NACAD: variants seen among roughly 807,000 people sequenced by gnomAD.
NACAD encodes the protein NAC-alpha domain-containing protein 1.
A neutral mutation model predicts 98.9 loss-of-function variants in NACAD; 47 were observed. The observed-to-expected ratio is 0.48, with a 90% CI of 0.38 to 0.61. The LOEUF is 0.61. NACAD is among the 20% of genes least tolerant of loss of function. The pLI is 0.00. For synonymous variants in NACAD, 696 were observed against 767.2 expected, an observed-to-expected ratio of 0.91 and a Z score of 1.53; for missense variants, 1,412 against 1,748.2, an observed-to-expected ratio of 0.81 and a Z score of 3.43.
chr7:45,080,861 G>A lies in NACAD; in HGVS notation c.4551+15C>T. ...CCACCACCCCCTGCGAGGCCCTGGAGCCCCTGCACTTCACCTCTTCCTCCT... is the reference window on the plus strand; with the variant it reads ...CCACCACCCCCTGCGAGGCCCTGGAACCCCTGCACTTCACCTCTTCCTCCT... On this transcript the variant is annotated intron_variant, in intron 6 of 7. Coordinates refer to ENST00000490531, the MANE Select transcript of NACAD (RefSeq NM_001146334.2). 1 of 1,554,368 alleles carries A rather than the reference G, an allele frequency of 6.4e-7. No individual in the cohort carries two copies. Among genetic ancestry groups the A allele is most frequent in the South Asian group, 1.2e-5 (1 of 84,346 alleles).
At position 45,085,629 on chromosome 7, in the gene NACAD, G is replaced by A. The variant is rs1332824851; in HGVS notation, c.551C>T (p.Thr184Ile). 6 of 1,548,842 alleles carry A rather than the reference G, an allele frequency of 3.9e-6. No homozygotes were observed. The highest frequency in any genetic ancestry group is 3.5e-6 in the Non-Finnish European group (4 of 1,146,128). Residue 184 changes from threonine (T) to isoleucine (I), a missense_variant, in exon 2 of 8, where the codon ACC (threonine) becomes ATC (isoleucine). Transcript: ENST00000490531. The surrounding 1 kb of genome is among the most constrained non-coding windows in gnomAD (Gnocchi z 6.1). ...FTPPSTPTKTTYALLPACGPH... is the reference protein window; with the variant it reads ...FTPPSTPTKTIYALLPACGPH... ...CCCACAGGCAGGAAGCAGGGCATAG[G>A]TGGTCTTGGTGGGGGTGGAGGGAGG...
rs958261270 is a variant in NACAD at position 45,085,057 on chromosome 7, C to T, written c.1123G>A (p.Asp375Asn). 7.7e-6 allele frequency: 12 copies of T among 1,551,034 alleles called. No homozygotes were observed. The highest frequency in any genetic ancestry group is 1.0e-5 in the Non-Finnish European group (12 of 1,146,894). ...TCGTCCCGGAAGGCAAAAGCCTCGTCCATGCCCTCCGTGATGGACAGGTCA... is the reference window on the plus strand; with the variant it reads ...TCGTCCCGGAAGGCAAAAGCCTCGTTCATGCCCTCCGTGATGGACAGGTCA... The part of the protein sequence containing the change: ...LSDLSITEGM[D>N]EAFAFRDDTS... Residue 375 changes from aspartate (D) to asparagine (N), a missense_variant, in exon 2 of 8, where the codon GAC (aspartate) becomes AAC (asparagine). Asp to Asn is a conservative substitution (Grantham distance 23). Transcript: ENST00000490531. This position sits in a 1 kb window ranked among gnomAD's most constrained non-coding sequence, Gnocchi z 6.1.
Position 45,085,970 on chromosome 7 carries a change from G to A in NACAD, c.210C>T (p.Ala70=), listed in dbSNP as rs1199532218. 6.5e-7 allele frequency: 1 copy of A among 1,537,148 alleles called. No individual in the cohort carries two copies. Among genetic ancestry groups the A allele is most frequent in the Non-Finnish European group, 8.8e-7 (1 of 1,141,674 alleles). ...CCCCACCAGGCCCTGCATCCCAGCT[G>A]GCTCCCTCGGGCTGGGGCCGGGCAC... is the stretch of plus-strand genomic sequence containing the variant. ...KPGARPQPEG[A]SWDAGPGGAP... is the part of the protein sequence containing the mutation. The change falls in exon 2 of 8, where the codon GCC becomes GCT. Residue 70 remains alanine, a synonymous_variant. Transcript: ENST00000490531. The surrounding 1 kb of genome is among the most constrained non-coding windows in gnomAD (Gnocchi z 6.1).
At chr7:45,086,183 T>A in intron 1 of NACAD, 71 bp from the exon 2 acceptor site, 1 of 1,473,442 alleles carries the variant, frequency 6.8e-7, no homozygotes, top group Non-Finnish European at 9.1e-7. Flanking sequence ...CCCGGGGAGA[T>A]GAATTCCGGC....
At chr7:45,081,089 C>T in intron 5 of NACAD, 28 bp downstream of exon 5, 4 of 1,551,230 alleles carry the variant, frequency 2.6e-6, no homozygotes, top group Non-Finnish European at 2.6e-6. Context: ...CCTCGGATCC[C>T]CCATTCCACC....
Position 45,085,844 on chromosome 7 carries a change from C to T in NACAD, c.336G>A (p.Pro112=), listed in dbSNP as rs754759357. The change falls in exon 2 of 8, where the codon CCG becomes CCA. Residue 112 remains proline (P), a synonymous_variant. Transcript: ENST00000490531. The surrounding 1 kb of genome is among the most constrained non-coding windows in gnomAD (Gnocchi z 6.1). ...SQALSTEAPL[P]ATLEPRIVMG... is the part of the protein sequence containing the mutation. ...TCACAATCCGGGGCTCCAGGGTGGC[C>T]GGGAGAGGAGCCTCCGTGGACAGAG... The T allele has an allele frequency of 5.2e-6, 8 of 1,542,452 alleles. No homozygotes were observed. The highest frequency in any genetic ancestry group is 2.4e-5 in the South Asian group (2 of 82,928).
Position 45,080,971 on chromosome 7 carries a change from C to T in NACAD, c.4456G>A (p.Val1486Met), listed in dbSNP as rs1784421123. The T allele has an allele frequency of 5.8e-6, 9 of 1,551,880 alleles. No individual in the cohort carries two copies. The Admixed American group carries it at 7.8e-5, about 14-fold the overall frequency. Residue 1486 changes from valine to methionine, a missense_variant, in exon 6 of 8, where the codon GTG (valine) becomes ATG (methionine). Val to Met is a conservative substitution (Grantham distance 21, BLOSUM62 1). Coordinates refer to ENST00000490531, the MANE Select transcript of NACAD (RefSeq NM_001146334.2). ...ACCAAGGCTGAGGGCTCTGAGGGCA[C>T]CTTAAACTTCTCAGCTGCGGCTTTG... ...VHKAAAEKFK[V>M]PSEPSALVPE...
Position 45,082,023 on chromosome 7 carries a change from A to G in NACAD, c.4072+85T>C. 1 of 1,465,908 alleles carries G rather than the reference A, an allele frequency of 6.8e-7. No individual in the cohort carries two copies. The highest frequency in any genetic ancestry group is 9.0e-7 in the Non-Finnish European group (1 of 1,106,022). 90.8% of individuals were successfully genotyped at this position (1,465,908 alleles called of 1,614,324 possible). The stretch of plus-strand genomic sequence containing the variant: ...TCTGGGCCCCCCACCTCGCCACCTC[A>G]GAGGCCCTCCAGCTCAGGACAGCTC... On this transcript the variant is annotated intron_variant, in intron 2 of 7. Transcript: ENST00000490531. The surrounding 1 kb of genome is among the most constrained non-coding windows in gnomAD (Gnocchi z 4.5).
intron 1 of NACAD, among the ~76,000 whole-genome samples, chr7:45,086,591 G>C (rs1412579743): frequency 2.0e-5 from 3 of 152,208 alleles, no homozygotes; most frequent in East Asian, 1.9e-4. Context: ...CGCGCAGCTC[G>C]AACACTCTGG....
In NACAD at chr7:45,084,847, C is replaced by T. The variant is rs201607633; in HGVS notation, c.1333G>A (p.Val445Met). The T allele has an allele frequency of 1.1e-3, 1,741 of 1,550,820 alleles. 2 individuals are homozygous for T. Among genetic ancestry groups the T allele is most frequent in the Non-Finnish European group, 1.4e-3 (1,653 of 1,146,806 alleles). ...QAQDGTVSWA[V>M]EAAPQTSDRG... ...TCTGAGGTCTGAGGAGCAGCCTCCA[C>T]GGCCCAGGACACAGTCCCATCCTGA... Residue 445 changes from valine to methionine, a missense_variant, in exon 2 of 8, where the codon GTG (valine) becomes ATG (methionine). Val to Met is a conservative substitution (Grantham distance 21). Transcript: ENST00000490531.
chr7:45,084,618 G>C lies in NACAD; in HGVS notation c.1562C>G (p.Ala521Gly). 1 of 1,551,682 alleles carries C rather than the reference G, an allele frequency of 6.4e-7. No individual in the cohort carries two copies. The highest frequency in any genetic ancestry group is 2.4e-5 in the East Asian group (1 of 40,908). The stretch of plus-strand genomic sequence containing the variant: ...CTGGGAGGGCTGAGGCATTGCCATG[G>C]CAGCAGATTCTTGTCCAGCGGTGGA... ...TDSTAGQESA[A>G]MAMPQPSQEG... The change falls in exon 2 of 8, where the codon GCC becomes GGC. Residue 521 changes from alanine (A) to glycine (G), a missense_variant. Ala to Gly is a moderately conservative substitution (Grantham distance 60). Around this residue, in one of 5 missense-constraint regions of NACAD, gnomAD observed 638 missense variants for 722.7 expected, o/e 0.88. Transcript: ENST00000490531.
chr7:45,088,786 G>T lies in NACAD; in HGVS notation c.67+42C>A. 1 of 1,454,732 alleles carries T rather than the reference G, an allele frequency of 6.9e-7. No homozygotes were observed. The highest frequency in any genetic ancestry group is 9.1e-7 in the Non-Finnish European group (1 of 1,100,690). The allele number at this position is 1,454,732 out of a possible 1,614,324, so 90.1% of individuals were successfully genotyped here. On this transcript the variant is annotated intron_variant, in intron 1 of 7. Transcript: ENST00000490531. The surrounding 1 kb of genome is among the most constrained non-coding windows in gnomAD (Gnocchi z 5.7). ...ATGGAAAGAGAACCCGGGCTGGAGA[G>T]GGGAGAGGCTGAAGGCAGGGAAAGA...
At chr7:45,087,871 G>A (rs1410879287) in intron 1 of NACAD, among the ~76,000 whole-genome samples, 2 of 152,180 alleles carry the variant, frequency 1.3e-5, no homozygotes, top group Admixed American at 6.5e-5. Flanking sequence ...GCAGGGGAAC[G>A]GCTGAGCTGT....
In NACAD at chr7:45,082,123, C is replaced by T. The variant is rs1410041034; in HGVS notation, c.4057G>A (p.Asp1353Asn). 1 of 1,479,288 alleles carries T rather than the reference C, an allele frequency of 6.8e-7. No individual in the cohort carries two copies. The highest frequency in any genetic ancestry group is 2.5e-5 in the Admixed American group (1 of 40,044). The allele number at this position is 1,479,288 out of a possible 1,614,324, so 91.6% of individuals were successfully genotyped here. ...TCTGCCTTACCTTCCTCCAGGCTGTCCTCATCCTCTTGCTGCTCGGGGGCT... is the reference window on the plus strand; with the variant it reads ...TCTGCCTTACCTTCCTCCAGGCTGTTCTCATCCTCTTGCTGCTCGGGGGCT... ...LSAPEQQEDE[D>N]SLEEDSPRAL... is the part of the protein sequence containing the mutation. The change falls in exon 2 of 8, where the codon GAC (aspartate) becomes AAC (asparagine). Residue 1353 changes from aspartate (D) to asparagine (N), a missense_variant. Physicochemically the swap from Asp to Asn is conservative, Grantham distance 23 (BLOSUM62 1). Transcript: ENST00000490531. This position sits in a 1 kb window ranked among gnomAD's most constrained non-coding sequence, Gnocchi z 4.5.
rs752883656 is a variant in NACAD at position 45,080,926 on chromosome 7, G to C, written c.4501C>G (p.Pro1501Ala). 6.4e-7 allele frequency: 1 copy of C among 1,553,972 alleles called. No homozygotes were observed. Among genetic ancestry groups the C allele is most frequent in the African/African-American group, 1.4e-5 (1 of 73,148 alleles). The change falls in exon 6 of 8, where the codon CCC becomes GCC. Residue 1501 changes from proline (P) to alanine (A), a missense_variant. By Grantham distance (27) the Pro-to-Ala change is conservative. Around this residue, in one of 5 missense-constraint regions of NACAD, gnomAD observed 88 missense variants for 105.4 expected, o/e 0.84. Coordinates refer to ENST00000490531, the MANE Select transcript of NACAD (RefSeq NM_001146334.2). Reference protein sequence around the residue: ...SALVPESAPRPRVRLECKEEE... With the variant: ...SALVPESAPRARVRLECKEEE... Reference sequence around the variant, plus strand: ...TCCTTGCACTCCAGCCTCACCCGGGGCCTGGGTGCTGACTCAGGGACCAAG... The same window carrying C: ...TCCTTGCACTCCAGCCTCACCCGGGCCCTGGGTGCTGACTCAGGGACCAAG...
intron 4 of NACAD, 73 bp downstream of exon 4, chr7:45,081,528 G>T: frequency 6.6e-7 from 1 of 1,522,028 alleles, no homozygotes. Flanking sequence ...CATGGAGTGT[G>T]AGGGTCTTGG....
rs1431809633 is a variant in NACAD, at chr7:45,088,639, C to A, written c.67+189G>T. 1.3e-5 allele frequency among the ~76,000 whole-genome samples: 2 copies of A among 152,120 alleles called. No individual in the cohort carries two copies. The highest frequency in any genetic ancestry group is 4.8e-5 in the African/African-American group (2 of 41,430). On this transcript the variant is annotated intron_variant, in intron 1 of 7. Coordinates refer to ENST00000490531, the MANE Select transcript of NACAD (RefSeq NM_001146334.2). This position sits in a 1 kb window ranked among gnomAD's most constrained non-coding sequence, Gnocchi z 5.7. ...CGCGGCGGGCACTTCGTGCGCCCCA[C>A]CTTCCCCGCAGTTCTGAGAGAGGCG...
At position 45,082,682 on chromosome 7, in the gene NACAD, G is replaced by C. The variant is rs1359745752; in HGVS notation, c.3498C>G (p.Gly1166=). The C allele has an allele frequency of 6.6e-7, 1 of 1,507,698 alleles. No individual in the cohort carries two copies. The highest frequency in any genetic ancestry group is 8.9e-7 in the Non-Finnish European group (1 of 1,124,896). The allele number at this position is 1,507,698 out of a possible 1,614,324, so 93.4% of individuals were successfully genotyped here. A position where few individuals can be genotyped will look rare whatever the true frequency, so the allele number is the denominator to read the frequency against. ...SVGAVSSLDR[G]CPDAPAPTSA... ...ACGTGGGGGCAGGCGCGTCAGGGCA[G>C]CCTCTGTCCAGACTGGACACAGCCC... Residue 1166 remains glycine, a synonymous_variant, in exon 2 of 8, where the codon GGC becomes GGG. Coordinates refer to ENST00000490531, the MANE Select transcript of NACAD (RefSeq NM_001146334.2). This position sits in a 1 kb window ranked among gnomAD's most constrained non-coding sequence, Gnocchi z 4.5.
chr7:45,085,607 A>C lies in NACAD; in HGVS notation c.573T>G (p.Cys191Trp), dbSNP rs1441093790. 7 of 1,549,422 alleles carry C rather than the reference A, an allele frequency of 4.5e-6. No homozygotes were observed. In the Admixed American group the frequency reaches 7.9e-5, roughly 17 times the overall value. The change falls in exon 2 of 8, where the codon TGT (cysteine) becomes TGG (tryptophan). Residue 191 changes from cysteine to tryptophan, a missense_variant. This residue lies in a region of NACAD where 638 missense variants were observed against 722.7 expected (regional missense o/e 0.88). Coordinates refer to ENST00000490531, the MANE Select transcript of NACAD (RefSeq NM_001146334.2). The surrounding 1 kb of genome is among the most constrained non-coding windows in gnomAD (Gnocchi z 6.1). The part of the protein sequence containing the change: ...TKTTYALLPA[C>W]GPHGDARDSE... The stretch of plus-strand genomic sequence containing the variant: ...AGTCCCTGGCGTCCCCGTGGGGCCC[A>C]CAGGCAGGAAGCAGGGCATAGGTGG...
Sources: gnomAD v4.1 joint callset for allele counts (sites outside exome capture counted in the v4.1 genomes callset) on GRCh38, gnomAD v4.1.1 for gene constraint, gnomAD v4.1.1 regional missense constraint, Gnocchi (gnomAD v3.1) non-coding constraint, MANE v1.5 for transcripts, NCBI Gene and HGNC (gene_info 2026-07-23, HGNC 2026-07-21) for gene names.